Variants in RAD51B observed in about 807,000 individuals in gnomAD.
The protein encoded by RAD51B is DNA repair protein RAD51 homolog 2.
Under a neutral mutation model 42.2 loss-of-function variants are expected in RAD51B, and 38 were observed. The observed-to-expected ratio is 0.90, with a 90% confidence interval of 0.70 to 1.18. The LOEUF is 1.18. RAD51B is among the 50% of genes most tolerant of loss of function. The pLI, the probability that RAD51B is intolerant of heterozygous loss-of-function variation, is 0.00. For missense variants in RAD51B, 373 were observed against 400.7 expected, an observed-to-expected ratio of 0.93 and a Z score of 0.59; for synonymous variants, 154 against 145.2, an observed-to-expected ratio of 1.06 and a Z score of -0.43.
intron 4 of RAD51B, among the ~76,000 whole-genome samples, chr14:67,855,387 C>A (rs1306407874): frequency 7.0e-6 from 1 of 142,494 alleles, no homozygotes; most frequent in African/African-American, 2.6e-5. Context: ...CCCGCCACCA[C>A]GCTTGGCTAA....
intron 10 of RAD51B, among the ~76,000 whole-genome samples, chr14:68,534,264 A>G (rs1016002845): frequency 7.2e-5 from 11 of 152,254 alleles, no homozygotes; most frequent in Non-Finnish European, 2.9e-5. Context: ...TGAGAAGGTC[A>G]GGAACTCAGA....
rs773906466 is a variant in RAD51B, at chr14:68,291,984, A to C, written c.853+4A>C. ...GATGATTTGTCCCTGTCTGAAGGTA[A>C]GGAATCTGTCCTGGAGAGGCTGAAA... is the stretch of plus-strand genomic sequence containing the variant. On this transcript the variant is annotated splice_donor_region_variant and intron_variant, in intron 8 of 10. Transcript: ENST00000471583. 3 of 1,608,318 alleles carry C rather than the reference A, an allele frequency of 1.9e-6. No individual in the cohort carries two copies. The East Asian group carries it at 6.7e-5, about 36-fold the overall frequency.
At chr14:67,983,939 T>TTTTCTTTCTTTTTTTTC (rs908470362) in intron 7 of RAD51B, among the ~76,000 whole-genome samples, 1 of 151,570 alleles carries the variant, frequency 6.6e-6, no homozygotes, top group Non-Finnish European at 1.5e-5. Context: ...TTTTTTTTTT[T>TTTTCTTTCTTTTTTTTC]CTTTCTTTCT....
intron 7 of RAD51B, among the ~76,000 whole-genome samples, chr14:68,055,308 A>C (rs2076456934): frequency 6.6e-6 from 1 of 152,126 alleles, no homozygotes; most frequent in Admixed American, 6.5e-5. Context: ...TATTTTTAGA[A>C]CCAGTTTTGG....
intron 7 of RAD51B, among the ~76,000 whole-genome samples, chr14:68,272,803 G>C (rs1304307814): frequency 2.8e-5 from 4 of 142,378 alleles, no homozygotes; most frequent in Non-Finnish European, 4.5e-5. Context: ...TCCTGCCTCA[G>C]CCTCCCCAGT....
intron 7 of RAD51B, among the ~76,000 whole-genome samples, chr14:68,003,975 A>G (rs13329056): frequency 0.28 from 42,846 of 152,012 alleles, 8,107 homozygotes; most frequent in African/African-American, 0.54. Flanking sequence ...TTTTTATCCC[A>G]TTAATGTGGT....
intron 7 of RAD51B, among the ~76,000 whole-genome samples, chr14:68,235,340 A>G (rs539736204): frequency 2.0e-5 from 3 of 151,902 alleles, no homozygotes; most frequent in South Asian, 2.1e-4. Context: ...AAGACAGCCA[A>G]TTAGATCAAG....
intron 7 of RAD51B, among the ~76,000 whole-genome samples, chr14:68,017,342 C>A (rs767104433): frequency 6.6e-6 from 1 of 151,920 alleles, no homozygotes; most frequent in African/African-American, 2.4e-5. Context: ...ACTACAGGCA[C>A]GTGCCACCAT....
chr14:67,994,161 T>C lies in RAD51B; in HGVS notation c.756+106957T>C, dbSNP rs148901832. Among the ~76,000 whole-genome samples the C allele has an allele frequency of 8.0e-3, 1,221 of 152,238 alleles. 14 individuals carry two copies. The highest frequency in any genetic ancestry group is 0.028 in the African/African-American group (1,144 of 41,556). On this transcript the variant is annotated intron_variant, in intron 7 of 10. Coordinates refer to ENST00000471583, the MANE Select transcript of RAD51B (RefSeq NM_133510.4). ...TTTTGGACTGTTGTTAATTTCCATA[T>C]TGCTTTTTGAAAGGAGAAATAAGAT...
At chr14:68,595,990 C>T in exon 11 of RAD51B, 1 of 817,798 alleles carries the variant, frequency 1.2e-6, no homozygotes. Context: ...CATTAACATG[C>T]ATGTTCCCAA....
intron 5 of RAD51B, among the ~76,000 whole-genome samples, chr14:67,883,822 C>T (rs1187881683): frequency 6.6e-6 from 1 of 152,074 alleles, no homozygotes; most frequent in South Asian, 2.1e-4. Flanking sequence ...TCTCAGCACC[C>T]AGAACAGTGC....
At position 68,043,815 on chromosome 14, in the gene RAD51B, G is replaced by A. The variant is rs181409575; in HGVS notation, c.756+156611G>A. On this transcript the variant is annotated intron_variant, in intron 7 of 10. Transcript: ENST00000471583. ...TAAGACTAAGCATAAGTGAGATCTT[G>A]GGTTTGAAAGCCAAATTGCCAAAGA... is the stretch of plus-strand genomic sequence containing the variant. Among the ~76,000 whole-genome samples, 192 of 152,310 alleles carry A rather than the reference G, an allele frequency of 1.3e-3. 2 individuals are homozygous for A. The highest frequency in any genetic ancestry group is 3.1e-3 in the Admixed American group (47 of 15,298).
At chr14:67,910,162 G>A (rs1291556379) in intron 7 of RAD51B, among the ~76,000 whole-genome samples, 1 of 152,106 alleles carries the variant, frequency 6.6e-6, no homozygotes, top group African/African-American at 2.4e-5. Flanking sequence ...GGCATACACA[G>A]TGGACATTGT....
At chr14:68,579,529 C>G (rs1418145791) in intron 10 of RAD51B, among the ~76,000 whole-genome samples, 1 of 152,158 alleles carries the variant, frequency 6.6e-6, no homozygotes, top group Non-Finnish European at 1.5e-5. Flanking sequence ...TTAAGATGAA[C>G]AATGAATACT....
At position 68,136,810 on chromosome 14, in the gene RAD51B, A is replaced by G. The variant is rs1192047002; in HGVS notation, c.757-155074A>G. On this transcript the variant is annotated intron_variant, in intron 7 of 10. Transcript: ENST00000471583. ...ACATGCCCAAGGTCATACAGTTAAT[A>G]AGTGGCAGAACCAGGGTTCAAAACC... is the stretch of plus-strand genomic sequence containing the variant. 4.4e-5 allele frequency among the ~76,000 whole-genome samples: 3 copies of G among 67,698 alleles called. 1 individual carries two copies. The highest frequency in any genetic ancestry group is 9.3e-5 in the African/African-American group (3 of 32,106). The allele number at this position is 67,698 out of a possible 152,430, so 44.4% of individuals were successfully genotyped here.
intron 7 of RAD51B, among the ~76,000 whole-genome samples, chr14:67,999,645 G>A (rs72725151): frequency 0.17 from 26,363 of 152,158 alleles, 2,465 homozygotes; most frequent in Middle Eastern, 0.35. Context: ...ATAATAGTAC[G>A]TTATAGGACT....
At chr14:68,441,153 G>C (rs1047382681) in intron 9 of RAD51B, among the ~76,000 whole-genome samples, 6 of 152,180 alleles carry the variant, frequency 3.9e-5, no homozygotes, top group African/African-American at 1.4e-4. Context: ...TTCTGACCAA[G>C]TTTCCTTCAT....
At chr14:68,130,715 A>G (rs1566668367) in intron 7 of RAD51B, among the ~76,000 whole-genome samples, 1 of 152,212 alleles carries the variant, frequency 6.6e-6, no homozygotes, top group Non-Finnish European at 1.5e-5. Context: ...AGAATCCTGA[A>G]AATAAAATTT....
chr14:68,093,732 C>T lies in RAD51B; in HGVS notation c.757-198152C>T, dbSNP rs139156922. 7.6e-4 allele frequency among the ~76,000 whole-genome samples: 115 copies of T among 152,210 alleles called. 4 individuals carry two copies. The East Asian group carries it at 0.017, about 22-fold the overall frequency. On this transcript the variant is annotated intron_variant, in intron 7 of 10. Coordinates refer to ENST00000471583, the MANE Select transcript of RAD51B (RefSeq NM_133510.4). ...CTGCTCCGATCTTAGTTATTTCTTG[C>T]CTTCTGCTAGCTTTTGAATGTGTTT...
Sources: gnomAD v4.1 joint callset for allele counts (sites outside exome capture counted in the v4.1 genomes callset) on GRCh38, gnomAD v4.1.1 for gene constraint, MANE v1.5 for transcripts, NCBI Gene and HGNC (gene_info 2026-07-23, HGNC 2026-07-21) for gene names.